The following MAPK9 variants were observed in gnomAD, a reference collection of about 807,000 sequenced individuals.
MAPK9 encodes the protein Jun kinase.
A neutral mutation model predicts 57.1 loss-of-function variants in MAPK9; 30 were observed. The ratio of observed to expected loss-of-function variants is 0.53; its 90% CI spans 0.39 to 0.71. The LOEUF is 0.71. Ranked by LOEUF, MAPK9 falls within the 30% of genes least tolerant of loss-of-function variation. The probability of loss-of-function intolerance (pLI) is 0.00; values close to 1 mark genes in which losing one functional copy is unlikely to be tolerated. For missense variants in MAPK9, 362 were observed against 521.0 expected, an observed-to-expected ratio of 0.69 and a Z score of 2.97; for synonymous variants, 155 against 177.0, an observed-to-expected ratio of 0.88 and a Z score of 0.99.
chr5:180,235,274 A>C lies in MAPK9; in HGVS notation c.*1110T>G, dbSNP rs987622982. On this transcript the variant is annotated 3_prime_UTR_variant, in exon 12 of 12. Transcript: ENST00000452135. ...AACAATAGCAACAGGCATCTGAATC[A>C]GCCTGGCCTCTGAAAACAGACCAAA... 1.3e-5 allele frequency: 2 copies of C among 152,222 alleles called. No individual in the cohort carries two copies. The highest frequency in any genetic ancestry group is 2.9e-5 in the Non-Finnish European group (2 of 68,042). The allele number at this position is 152,222 out of a possible 1,614,324, so 9.4% of individuals were successfully genotyped here.
intron 1 of MAPK9, among the ~76,000 whole-genome samples, chr5:180,282,188 C>T (rs902277819): frequency 7.2e-5 from 11 of 152,190 alleles, no homozygotes; most frequent in African/African-American, 2.7e-4. Flanking sequence ...TGATCTGATT[C>T]CCCACAGTGC....
intron 1 of MAPK9, among the ~76,000 whole-genome samples, chr5:180,281,470 GGT>G (rs1762310893): frequency 6.6e-6 from 1 of 152,186 alleles, no homozygotes; most frequent in Non-Finnish European, 1.5e-5. Context: ...GCTCGTGTCT[GGT>G]TATGCTTATT....
chr5:180,267,689 A>AC (rs1012884734), intron 3 of MAPK9, among the ~76,000 whole-genome samples: 59 of 151,952 alleles, frequency 3.9e-4, no homozygotes, highest in African/African-American at 1.4e-3. Context: ...AGGTGGTAAG[A>AC]CCCCACCTCT....
chr5:180,272,657 G>T (rs1383267662), intron 2 of MAPK9, among the ~76,000 whole-genome samples: 1 of 151,998 alleles, frequency 6.6e-6, no homozygotes, highest in Non-Finnish European at 1.5e-5. Context: ...CAATATTATG[G>T]GACTCATCCA....
intron 1 of MAPK9, among the ~76,000 whole-genome samples, chr5:180,282,545 G>A (rs1382305553): frequency 2.0e-5 from 3 of 152,290 alleles, no homozygotes; most frequent in Non-Finnish European, 4.4e-5. Context: ...GGCGGCATCC[G>A]CCCTCAGACT....
rs1304806347 is a variant in MAPK9, at chr5:180,234,142, T to C, written c.*2242A>G. ...AAATTACCTGGTTTATAAAAATACA[T>C]GTCCAAAATAGTTACTTCCTGGGTT... On this transcript the variant is annotated 3_prime_UTR_variant, in exon 12 of 12. Coordinates refer to ENST00000452135, the MANE Select transcript of MAPK9 (RefSeq NM_002752.5). 4 of 152,244 alleles carry C rather than the reference T, an allele frequency of 2.6e-5. No individual in the cohort carries two copies. In the East Asian group the frequency reaches 7.7e-4, roughly 29 times the overall value. The allele number at this position is 152,244 out of a possible 1,614,324, so 9.4% of individuals were successfully genotyped here. A position where few individuals can be genotyped will look rare whatever the true frequency, so the allele number is the denominator to read the frequency against.
intron 3 of MAPK9, among the ~76,000 whole-genome samples, chr5:180,267,778 T>C (rs78634347): frequency 0.039 from 5,892 of 151,678 alleles, 406 homozygotes; most frequent in African/African-American, 0.14. Flanking sequence ...GGTGGGAGAA[T>C]CACAACCTGG....
chr5:180,237,492 T>C (rs886483549), intron 11 of MAPK9: 8 of 152,078 alleles, frequency 5.3e-5, no homozygotes, highest in African/African-American at 1.9e-4. Context: ...ACTATGAAGA[T>C]CAGTAGATCA....
At chr5:180,273,722 G>C (rs1199290094) in intron 2 of MAPK9, among the ~76,000 whole-genome samples, 1 of 152,170 alleles carries the variant, frequency 6.6e-6, no homozygotes, top group African/African-American at 2.4e-5. Context: ...ACATTCCTAT[G>C]TCCATTTATT....
chr5:180,236,619 CT>C (rs1188638391), intron 11 of MAPK9, 93 bp from the exon 12 acceptor site: 12 of 1,388,222 alleles, frequency 8.6e-6, no homozygotes, highest in Non-Finnish European at 9.9e-6. Flanking sequence ...CGGCTCTGTC[CT>C]TTTGCAGTTT....
intron 2 of MAPK9, chr5:180,279,974 G>A (rs1358572978): frequency 2.2e-6 from 1 of 456,784 alleles, no homozygotes; most frequent in Admixed American, 2.3e-5. Flanking sequence ...AATCCATGGA[G>A]TGACAATGAC....
Position 180,236,375 on chromosome 5 carries a change from T to C in MAPK9, c.*9A>G. On this transcript the variant is annotated 3_prime_UTR_variant, in exon 12 of 12. Transcript: ENST00000452135. ...CTTCAATGCTGACAGGTTTGCTATT[T>C]CTAACCTATCATCGACAGCCTTCAA... is the stretch of plus-strand genomic sequence containing the variant. 15 of 1,602,654 alleles carry C rather than the reference T, an allele frequency of 9.4e-6. No individual in the cohort carries two copies. The highest frequency in any genetic ancestry group is 1.3e-5 in the Non-Finnish European group (15 of 1,171,440).
chr5:180,254,004 T>G (rs35654062), intron 5 of MAPK9, among the ~76,000 whole-genome samples: 1,568 of 150,596 alleles, frequency 0.01, 27 homozygotes, highest in African/African-American at 0.036. Context: ...CTCGATCTTG[T>G]TGCTCAGGCT....
intron 1 of MAPK9, among the ~76,000 whole-genome samples, chr5:180,283,547 A>G (rs2127626867): frequency 6.6e-6 from 1 of 152,352 alleles, no homozygotes; most frequent in South Asian, 2.1e-4. Flanking sequence ...ACTGCTTTCA[A>G]CCTATATTTG....
intron 1 of MAPK9, among the ~76,000 whole-genome samples, chr5:180,287,605 T>C (rs1242252339): frequency 6.6e-6 from 1 of 152,182 alleles, no homozygotes; most frequent in Non-Finnish European, 1.5e-5. Flanking sequence ...ACCCAGCTAC[T>C]GCACACCTTC....
chr5:180,253,138 G>A (rs1371632112), intron 5 of MAPK9, among the ~76,000 whole-genome samples: 14 of 152,226 alleles, frequency 9.2e-5, no homozygotes, highest in Non-Finnish European at 1.2e-4. Flanking sequence ...CGACCGGGCA[G>A]GGATGCTGAG....
intron 1 of MAPK9, among the ~76,000 whole-genome samples, chr5:180,288,593 C>T (rs1018089163): frequency 6.6e-6 from 1 of 152,178 alleles, no homozygotes; most frequent in Non-Finnish European, 1.5e-5. Context: ...CAGATGAGTG[C>T]AATCGCTTCT....
chr5:180,280,757 C>A, intron 1 of MAPK9, 149 bp from the exon 2 acceptor site: 2 of 578,644 alleles, frequency 3.5e-6, no homozygotes, highest in Non-Finnish European at 5.5e-6. Context: ...AAGCAAGACA[C>A]AAAAAAATGC....
chr5:180,247,310 GC>G lies in MAPK9; in HGVS notation c.688+128del. 1.1e-6 allele frequency: 1 copy of G among 947,932 alleles called. No individual in the cohort carries two copies. The allele number at this position is 947,932 out of a possible 1,614,324, so 58.7% of individuals were successfully genotyped here. ...GACACTAATTAACAAATACAGTAAAGCCCCCCTTAGAACACAGTCTGGAGTG... is the reference window on the plus strand; with the variant it reads ...GACACTAATTAACAAATACAGTAAAGCCCCCTTAGAACACAGTCTGGAGTG... On this transcript the variant is annotated intron_variant, in intron 7 of 11. Transcript: ENST00000452135. The surrounding 1 kb of genome is among the most constrained non-coding windows in gnomAD (Gnocchi z 4.5).
Sources: allele counts gnomAD v4.1 joint callset (sites outside exome capture counted in the v4.1 genomes callset), GRCh38; gene constraint gnomAD v4.1.1; non-coding constraint Gnocchi (gnomAD v3.1); transcripts MANE v1.5; gene names NCBI Gene and HGNC (gene_info 2026-07-23, HGNC 2026-07-21).